The following NMNAT3 variants were observed in gnomAD, a reference collection of about 807,000 sequenced individuals.
NMNAT3 encodes nicotinamide/nicotinic acid mononucleotide adenylyltransferase 3.
NMNAT3 carries 21 observed loss-of-function variants against 24.8 expected under a neutral mutation model. The ratio of observed to expected loss-of-function variants is 0.85; its 90% CI spans 0.60 to 1.22. NMNAT3 has a LOEUF of 1.22. Ranked by LOEUF, NMNAT3 falls within the 50% of genes most tolerant of loss-of-function variation. NMNAT3 has a pLI of 0.00. For missense variants in NMNAT3, 387 were observed against 436.6 expected, an observed-to-expected ratio of 0.89 and a Z score of 1.01; for synonymous variants, 136 against 155.2, an observed-to-expected ratio of 0.88 and a Z score of 0.92.
intron 2 of NMNAT3, chr3:139,635,389 A>G (rs532866164): frequency 6.6e-6 from 1 of 152,316 alleles, no homozygotes; most frequent in African/African-American, 2.4e-5. Context: ...ACCCTCCTCT[A>G]AGCATCTCTT....
intron 1 of NMNAT3, among the ~76,000 whole-genome samples, chr3:139,674,569 G>C (rs2057863854): frequency 6.6e-6 from 1 of 152,200 alleles, no homozygotes; most frequent in African/African-American, 2.4e-5. Context: ...TAAAATACCT[G>C]AACTTGAAAG....
chr3:139,564,706 A>G (rs1936912839), intron 6 of NMNAT3, among the ~76,000 whole-genome samples: 1 of 152,242 alleles, frequency 6.6e-6, no homozygotes, highest in Admixed American at 6.5e-5. Context: ...CAGCACACCA[A>G]TAAAATACGC....
intron 3 of NMNAT3, among the ~76,000 whole-genome samples, chr3:139,591,484 G>C (rs1310370148): frequency 6.6e-6 from 1 of 152,152 alleles, no homozygotes; most frequent in African/African-American, 2.4e-5. Context: ...AAGGAGGCCT[G>C]CCTGCCTCTG....
intron 3 of NMNAT3, among the ~76,000 whole-genome samples, chr3:139,602,356 G>A (rs1396649746): frequency 6.6e-6 from 1 of 152,150 alleles, no homozygotes; most frequent in East Asian, 1.9e-4. Context: ...AACCTCCCTT[G>A]CCTGGGCTGC....
chr3:139,623,127 ATTATAC>A (rs1020810131), intron 3 of NMNAT3, among the ~76,000 whole-genome samples: 1 of 151,884 alleles, frequency 6.6e-6, no homozygotes, highest in Non-Finnish European at 1.5e-5. Flanking sequence ...TTCTTTTGTA[ATTATAC>A]TTAGCTTAAA....
At chr3:139,616,508 C>A (rs1259279640) in intron 3 of NMNAT3, among the ~76,000 whole-genome samples, 1 of 152,138 alleles carries the variant, frequency 6.6e-6, no homozygotes, top group African/African-American at 2.4e-5. Context: ...TGTCTCTCTC[C>A]AGTCTTGTAT....
chr3:139,624,887 A>G (rs183037354), intron 3 of NMNAT3, among the ~76,000 whole-genome samples: 43 of 152,324 alleles, frequency 2.8e-4, no homozygotes, highest in African/African-American at 9.6e-4. Context: ...AGTGTTGTTC[A>G]AGTCTTCTAT....
chr3:139,571,219 G>C (rs1191872334), intron 6 of NMNAT3: 1 of 152,282 alleles, frequency 6.6e-6, no homozygotes, highest in Non-Finnish European at 1.5e-5. Context: ...TAGGGTGGGA[G>C]TGACCCGATT....
chr3:139,635,639 C>T (rs1021460053), intron 2 of NMNAT3: 2 of 152,226 alleles, frequency 1.3e-5, no homozygotes, highest in East Asian at 1.9e-4. Flanking sequence ...GCTAGTGCCT[C>T]GGAGATAGAG....
intron 1 of NMNAT3, among the ~76,000 whole-genome samples, chr3:139,655,258 T>C (rs1322877741): frequency 6.6e-6 from 1 of 152,176 alleles, no homozygotes; most frequent in African/African-American, 2.4e-5. Flanking sequence ...TCAAACTTGA[T>C]CCTGACGGTG....
At chr3:139,590,116 C>T (rs1250812379) in intron 3 of NMNAT3, among the ~76,000 whole-genome samples, 1 of 152,120 alleles carries the variant, frequency 6.6e-6, no homozygotes, top group African/African-American at 2.4e-5. Context: ...CAAAACGGAA[C>T]AGACAGATCA....
chr3:139,591,487 T>G (rs2054176857), intron 3 of NMNAT3, among the ~76,000 whole-genome samples: 1 of 152,158 alleles, frequency 6.6e-6, no homozygotes, highest in Non-Finnish European at 1.5e-5. Flanking sequence ...GAGGCCTGCC[T>G]GCCTCTGTAG....
chr3:139,656,054 T>TC (rs574156991), intron 1 of NMNAT3, among the ~76,000 whole-genome samples: 4 of 152,344 alleles, frequency 2.6e-5, no homozygotes, highest in African/African-American at 9.6e-5. Flanking sequence ...ATGACTGGAA[T>TC]CCAGCCATGC....
intron 1 of NMNAT3, among the ~76,000 whole-genome samples, chr3:139,667,261 C>T (rs2057612449): frequency 6.6e-6 from 1 of 152,078 alleles, no homozygotes; most frequent in African/African-American, 2.4e-5. Flanking sequence ...TCATCCTTGC[C>T]AGCATTTGTT....
intron 1 of NMNAT3, among the ~76,000 whole-genome samples, chr3:139,643,530 T>C (rs2056776129): frequency 6.6e-6 from 1 of 152,196 alleles, no homozygotes; most frequent in Non-Finnish European, 1.5e-5. Context: ...TGCATGTATA[T>C]AATAAAATAT....
chr3:139,667,868 G>C (rs2057633637), intron 1 of NMNAT3, among the ~76,000 whole-genome samples: 1 of 152,150 alleles, frequency 6.6e-6, no homozygotes, highest in Non-Finnish European at 1.5e-5. Context: ...TTGTGCAAAA[G>C]GAAATAGTCT....
At chr3:139,582,239 A>C (rs1291635429) in intron 4 of NMNAT3, among the ~76,000 whole-genome samples, 1 of 151,870 alleles carries the variant, frequency 6.6e-6, no homozygotes, top group African/African-American at 2.4e-5. Context: ...ATGTAAGGCA[A>C]AAAACAAAAG....
At chr3:139,649,588 T>C (rs1370395137) in intron 1 of NMNAT3, among the ~76,000 whole-genome samples, 1 of 152,162 alleles carries the variant, frequency 6.6e-6, no homozygotes, top group East Asian at 1.9e-4. Context: ...AAGGTTGTTT[T>C]ACCTCCTGGA....
chr3:139,616,936 G>GT (rs1200974378), intron 3 of NMNAT3, among the ~76,000 whole-genome samples: 1 of 152,130 alleles, frequency 6.6e-6, no homozygotes, highest in African/African-American at 2.4e-5. Context: ...CTTTTGCTCT[G>GT]TGCCTCCTGG....
Sources: allele counts gnomAD v4.1 joint callset (sites outside exome capture counted in the v4.1 genomes callset), GRCh38; gene constraint gnomAD v4.1.1; transcripts MANE v1.5; gene names NCBI Gene and HGNC (gene_info 2026-07-23, HGNC 2026-07-21).